The following ZBTB7C variants were observed in gnomAD, a reference collection of about 807,000 sequenced individuals.
ZBTB7C encodes the protein zinc finger and BTB domain containing 7C.
ZBTB7C carries 8 observed loss-of-function variants against 25.7 expected under a neutral mutation model. That is an observed-to-expected ratio of 0.31 (90% confidence interval 0.18 to 0.56). The LOEUF (loss-of-function observed/expected upper bound fraction) is 0.56, where lower values mean the gene tolerates loss of function less well. ZBTB7C is among the 20% of genes least tolerant of loss of function. The pLI, the probability that ZBTB7C is intolerant of heterozygous loss-of-function variation, is 0.91. For missense variants in ZBTB7C, 824 were observed against 855.2 expected (o/e 0.96, Z 0.46); for synonymous variants, 394 against 369.0 (o/e 1.07, Z -0.78).
At chr18:48,052,905 A>C (rs7244057) in intron 3 of ZBTB7C, among the ~76,000 whole-genome samples, 30,883 of 152,032 alleles carry the variant, frequency 0.2, 3,302 homozygotes, top group Admixed American at 0.27. Context: ...TCGACTTCAG[A>C]TGTCTTGGGG....
intron 3 of ZBTB7C, among the ~76,000 whole-genome samples, chr18:48,078,827 T>C (rs2144464521): frequency 6.6e-6 from 1 of 152,334 alleles, no homozygotes; most frequent in South Asian, 2.1e-4. Context: ...CTGGCTTCTT[T>C]CACTAGCATG....
chr18:48,321,867 T>C (rs973448139), intron 2 of ZBTB7C, among the ~76,000 whole-genome samples: 1 of 152,230 alleles, frequency 6.6e-6, no homozygotes, highest in Non-Finnish European at 1.5e-5. Context: ...AGCTGGAGGC[T>C]GTTTGGTAAA....
chr18:48,048,810 C>G (rs4939704), intron 3 of ZBTB7C, among the ~76,000 whole-genome samples: 31,055 of 152,184 alleles, frequency 0.2, 3,462 homozygotes, highest in South Asian at 0.28. Context: ...CCCCTGGCAT[C>G]TGTTCGGAGC....
chr18:48,363,883 T>TA (rs1426037357), intron 1 of ZBTB7C, among the ~76,000 whole-genome samples: 1 of 151,966 alleles, frequency 6.6e-6, no homozygotes, highest in Non-Finnish European at 1.5e-5. Flanking sequence ...TCTGTCTTTT[T>TA]AAAAAACTCT....
chr18:48,339,973 C>G (rs1032375873), intron 1 of ZBTB7C, among the ~76,000 whole-genome samples: 1 of 152,196 alleles, frequency 6.6e-6, no homozygotes, highest in Admixed American at 6.5e-5. Context: ...CTCTGCAAAG[C>G]AACAGAGGTT....
At chr18:48,265,317 T>C (rs1198858309) in intron 2 of ZBTB7C, among the ~76,000 whole-genome samples, 5 of 152,202 alleles carry the variant, frequency 3.3e-5, no homozygotes, top group Non-Finnish European at 7.3e-5. Context: ...ATTGCAATAG[T>C]TTCTGATTAA....
intron 2 of ZBTB7C, among the ~76,000 whole-genome samples, chr18:48,214,810 T>C (rs1405453893): frequency 6.6e-6 from 1 of 152,268 alleles, no homozygotes; most frequent in Non-Finnish European, 1.5e-5. Context: ...ATTTTATGTA[T>C]ATATCAAGTT....
chr18:48,339,117 C>A (rs996626937), intron 1 of ZBTB7C, among the ~76,000 whole-genome samples: 6 of 152,250 alleles, frequency 3.9e-5, no homozygotes, highest in Non-Finnish European at 8.8e-5. Flanking sequence ...GTCCTTCTGG[C>A]TGAAGCAGCC....
intron 2 of ZBTB7C, among the ~76,000 whole-genome samples, chr18:48,267,566 T>C (rs1053333103): frequency 6.6e-6 from 1 of 152,208 alleles, no homozygotes; most frequent in Non-Finnish European, 1.5e-5. Flanking sequence ...CCAAGGTTCC[T>C]CTGAGCACAT....
At chr18:48,377,402 G>A (rs1220602944) in intron 1 of ZBTB7C, among the ~76,000 whole-genome samples, 4 of 152,160 alleles carry the variant, frequency 2.6e-5, no homozygotes, top group Non-Finnish European at 5.9e-5. Context: ...ACTCTGCTTG[G>A]GGAAGGGGGT....
chr18:48,079,536 C>T (rs1406186288), intron 3 of ZBTB7C, among the ~76,000 whole-genome samples: 2 of 152,134 alleles, frequency 1.3e-5, no homozygotes, highest in Non-Finnish European at 2.9e-5. Context: ...GGGTACTGGC[C>T]ACTTCATTTC....
chr18:48,205,886 C>G (rs2042565881), intron 2 of ZBTB7C, among the ~76,000 whole-genome samples: 1 of 152,150 alleles, frequency 6.6e-6, no homozygotes, highest in South Asian at 2.1e-4. Flanking sequence ...TACCCCCAAG[C>G]TGGGCTGCTT....
chr18:48,029,575 G>T lies in ZBTB7C; in HGVS notation c.1545C>A (p.Gly515=), dbSNP rs776740049. The T allele has an allele frequency of 1.3e-6, 2 of 1,487,308 alleles. No homozygotes were observed. The highest frequency in any genetic ancestry group is 2.5e-5 in the Admixed American group (1 of 39,240). 92.1% of individuals were successfully genotyped at this position (1,487,308 alleles called of 1,614,324 possible). ...FVMPPALGEV[G]GHLGGAAVCL... is the part of the protein sequence containing the mutation. ...ACACAGCTGCGCCGCCCAGGTGGCC[G>T]CCCACCTCGCCCAGCGCAGGGGGCA... is the stretch of plus-strand genomic sequence containing the variant. Residue 515 remains glycine (G), a synonymous_variant, in exon 5 of 5, where the codon GGC becomes GGA. Transcript: ENST00000590800.
At chr18:48,136,965 C>G (rs2040190135) in intron 3 of ZBTB7C, 15 of 984,820 alleles carry the variant, frequency 1.5e-5, no homozygotes, top group African/African-American at 3.5e-5. Context: ...CCCAGAGCCC[C>G]GATCCTAGCC....
chr18:48,129,314 G>A (rs961177156), intron 3 of ZBTB7C, among the ~76,000 whole-genome samples: 3 of 140,360 alleles, frequency 2.1e-5, no homozygotes, highest in African/African-American at 8.0e-5. Context: ...CAATGTTTAT[G>A]TATTAACTGA....
intron 3 of ZBTB7C, among the ~76,000 whole-genome samples, chr18:48,119,470 A>C (rs763248736): frequency 6.6e-6 from 1 of 151,976 alleles, no homozygotes; most frequent in Non-Finnish European, 1.5e-5. Flanking sequence ...ACCACCAGGC[A>C]CCTCCCTTTC....
intron 3 of ZBTB7C, among the ~76,000 whole-genome samples, chr18:48,112,395 G>A (rs1445216172): frequency 4.7e-5 from 7 of 149,628 alleles, no homozygotes; most frequent in African/African-American, 4.9e-5. Context: ...CGCCCAGGAC[G>A]GAGTACAGTG....
intron 2 of ZBTB7C, among the ~76,000 whole-genome samples, chr18:48,313,813 T>C (rs2045879318): frequency 6.6e-6 from 1 of 152,214 alleles, no homozygotes; most frequent in African/African-American, 2.4e-5. Context: ...AATCTCATGT[T>C]GAAATGTGAT....
intron 2 of ZBTB7C, among the ~76,000 whole-genome samples, chr18:48,322,335 C>A (rs2046115561): frequency 6.6e-6 from 1 of 152,184 alleles, no homozygotes; most frequent in Non-Finnish European, 1.5e-5. Flanking sequence ...TCAATGCCAG[C>A]AGCACTCCCC....
Sources: allele counts gnomAD v4.1 joint callset (sites outside exome capture counted in the v4.1 genomes callset), GRCh38; gene constraint gnomAD v4.1.1; transcripts MANE v1.5; gene names NCBI Gene and HGNC (gene_info 2026-07-23, HGNC 2026-07-21).